MLLT3: variants seen among roughly 807,000 people sequenced by gnomAD.
MLLT3 encodes the protein MLLT3 super elongation complex subunit.
Under a neutral mutation model 53.2 loss-of-function variants are expected in MLLT3, and 4 were observed. That is an observed-to-expected ratio of 0.08 (90% CI 0.04 to 0.17). The LOEUF (loss-of-function observed/expected upper bound fraction) is 0.17, where lower values mean the gene tolerates loss of function less well. Among genes scored for constraint, MLLT3 ranks in the 10% least tolerant of loss-of-function variants. MLLT3 has a pLI of 1.00. For synonymous variants in MLLT3, 283 were observed against 230.6 expected (o/e 1.23, Z -2.06); for missense variants, 569 against 684.0 (o/e 0.83, Z 1.87).
intron 2 of MLLT3, among the ~76,000 whole-genome samples, chr9:20,479,225 G>C (rs1824602357): frequency 6.6e-6 from 1 of 152,004 alleles, no homozygotes; most frequent in African/African-American, 2.4e-5. Flanking sequence ...TTGTTGAGGG[G>C]GTTCCTGGCT....
At chr9:20,493,040 T>C (rs946097136) in intron 2 of MLLT3, among the ~76,000 whole-genome samples, 8 of 151,912 alleles carry the variant, frequency 5.3e-5, no homozygotes, top group Non-Finnish European at 7.4e-5. Context: ...TTTTCTACTA[T>C]AGGTATTATT....
In MLLT3 at chr9:20,353,399, A is replaced by T; in HGVS notation, c.1575+126T>A. ...ATGAGAACCTTTCCCAAATACATCT[A>T]CAGGTGGCATTCGCCAGGTTCTGAT... On this transcript the variant is annotated intron_variant, in intron 10 of 10. Coordinates refer to ENST00000380338, the MANE Select transcript of MLLT3 (RefSeq NM_004529.4). The T allele has an allele frequency of 3.9e-6, 3 of 777,980 alleles. 1 individual carries two copies. The highest frequency in any genetic ancestry group is 1.9e-5 in the Admixed American group (1 of 52,138). 48.2% of individuals were successfully genotyped at this position (777,980 alleles called of 1,614,324 possible).
intron 2 of MLLT3, among the ~76,000 whole-genome samples, chr9:20,527,895 A>G (rs1039971248): frequency 2.0e-5 from 3 of 152,250 alleles, no homozygotes; most frequent in Non-Finnish European, 4.4e-5. Flanking sequence ...AACACATTAA[A>G]TGAGCACATT....
intron 2 of MLLT3, among the ~76,000 whole-genome samples, chr9:20,515,855 G>A (rs1004220508): frequency 8.5e-5 from 13 of 152,122 alleles, no homozygotes; most frequent in African/African-American, 3.1e-4. Context: ...AGCACAGACC[G>A]CCTGATGTAA....
Position 20,360,793 on chromosome 9 carries a change from T to A in MLLT3, c.1380A>T (p.Ser460=). The A allele has an allele frequency of 6.2e-7, 1 of 1,614,044 alleles. No homozygotes were observed. Reference sequence around the variant, plus strand: ...GTGGTGGAGGTTCGTGATGTAGGGGTGAAGAAGCAGAACTGCTTTCACTAT... The same window carrying A: ...GTGGTGGAGGTTCGTGATGTAGGGGAGAAGAAGCAGAACTGCTTTCACTAT... ...GSDSESSSAS[S]PLHHEPPPPL... Residue 460 remains serine, a synonymous_variant, in exon 8 of 11, where the codon TCA becomes TCT. Coordinates refer to ENST00000380338, the MANE Select transcript of MLLT3 (RefSeq NM_004529.4).
intron 2 of MLLT3, among the ~76,000 whole-genome samples, chr9:20,489,948 C>G (rs1824907028): frequency 6.6e-6 from 1 of 152,116 alleles, no homozygotes; most frequent in South Asian, 2.1e-4. Flanking sequence ...AAATTACATT[C>G]AAGCTAACAA....
intron 2 of MLLT3, among the ~76,000 whole-genome samples, chr9:20,507,372 A>G (rs1431685142): frequency 1.3e-5 from 2 of 152,200 alleles, no homozygotes; most frequent in Non-Finnish European, 2.9e-5. Flanking sequence ...TCTGAAGCCT[A>G]AAATTGCCTC....
chr9:20,349,451 T>C (rs1323327705), intron 10 of MLLT3, among the ~76,000 whole-genome samples: 1 of 152,006 alleles, frequency 6.6e-6, no homozygotes, highest in African/African-American at 2.4e-5. Flanking sequence ...TCGCCCCCAA[T>C]GAGTGTTAGC....
At position 20,363,531 on chromosome 9, in the gene MLLT3, C is replaced by T. The variant is rs752002324; in HGVS notation, c.1276G>A (p.Asp426Asn). The T allele has an allele frequency of 3.1e-6, 5 of 1,614,044 alleles. No individual in the cohort carries two copies. The highest frequency in any genetic ancestry group is 4.2e-6 in the Non-Finnish European group (5 of 1,179,964). The stretch of plus-strand genomic sequence containing the variant: ...GGCCTCTCCATTTCAGAGTCATTGT[C>T]GTTATCCTCCACTTCATCTGATTCC... ...EEESDEVEDN[D>N]NDSEMERPVN... Residue 426 changes from aspartate (D) to asparagine (N), a missense_variant, in exon 7 of 11, where the codon GAC becomes AAC. Asp to Asn is a conservative substitution (Grantham distance 23). Transcript: ENST00000380338.
chr9:20,509,427 C>A (rs1368208946), intron 2 of MLLT3, among the ~76,000 whole-genome samples: 1 of 152,190 alleles, frequency 6.6e-6, no homozygotes, highest in Non-Finnish European at 1.5e-5. Flanking sequence ...AAATGGTTCT[C>A]ACTCTTTAGT....
intron 5 of MLLT3, among the ~76,000 whole-genome samples, chr9:20,409,608 T>C (rs961921875): frequency 1.3e-5 from 2 of 152,208 alleles, no homozygotes; most frequent in African/African-American, 4.8e-5. Context: ...TGTACTCTAA[T>C]GGGAATAGCC....
At chr9:20,421,149 A>C (rs1822998764) in intron 4 of MLLT3, among the ~76,000 whole-genome samples, 1 of 152,170 alleles carries the variant, frequency 6.6e-6, no homozygotes, top group Admixed American at 6.5e-5. Context: ...CTGTAATCCA[A>C]GCTATTTGGG....
chr9:20,525,121 A>C (rs904304264), intron 2 of MLLT3, among the ~76,000 whole-genome samples: 23 of 149,846 alleles, frequency 1.5e-4, no homozygotes, highest in Non-Finnish European at 2.5e-4. Context: ...ATTAAGAAGA[A>C]AGACTAAAAA....
At chr9:20,523,711 T>C (rs890651137) in intron 2 of MLLT3, among the ~76,000 whole-genome samples, 2 of 152,214 alleles carry the variant, frequency 1.3e-5, no homozygotes, top group South Asian at 2.1e-4. Flanking sequence ...GGCTCATGCC[T>C]GTAATCCCAG....
chr9:20,360,969 C>T (rs1243087098), intron 7 of MLLT3, 128 bp from the exon 8 acceptor site: 11 of 748,336 alleles, frequency 1.5e-5, no homozygotes, highest in African/African-American at 5.2e-5. Context: ...AACTCACAGC[C>T]GCTAACACAT....
chr9:20,399,856 G>A (rs747348865), intron 5 of MLLT3, among the ~76,000 whole-genome samples: 41 of 152,116 alleles, frequency 2.7e-4, no homozygotes, highest in Non-Finnish European at 5.9e-5. Flanking sequence ...ATCAAGCACT[G>A]TGTTTTACTT....
At chr9:20,558,112 T>C (rs1819109040) in intron 2 of MLLT3, among the ~76,000 whole-genome samples, 1 of 152,160 alleles carries the variant, frequency 6.6e-6, no homozygotes, top group Non-Finnish European at 1.5e-5. Flanking sequence ...CCAAGGACAG[T>C]ACTAAACAGC....
chr9:20,475,420 A>C (rs1824496418), intron 2 of MLLT3, among the ~76,000 whole-genome samples: 1 of 152,084 alleles, frequency 6.6e-6, no homozygotes, highest in African/African-American at 2.4e-5. Flanking sequence ...TAATGGTATA[A>C]TTTCAAATTC....
At chr9:20,432,673 G>A (rs898992420) in intron 4 of MLLT3, among the ~76,000 whole-genome samples, 2 of 151,928 alleles carry the variant, frequency 1.3e-5, no homozygotes, top group African/African-American at 4.8e-5. Flanking sequence ...TTCAGTCTAT[G>A]CACTTTAATA....
Sources: gnomAD v4.1 joint callset for allele counts (sites outside exome capture counted in the v4.1 genomes callset) on GRCh38, gnomAD v4.1.1 for gene constraint, MANE v1.5 for transcripts, NCBI Gene and HGNC (gene_info 2026-07-23, HGNC 2026-07-21) for gene names.